The following CFAP95 variants were observed in gnomAD, a reference collection of about 807,000 sequenced individuals.
CFAP95 encodes cilia- and flagella-associated protein 95.
chr9:69,861,329 C>A, the CFAP95 span, among the ~76,000 whole-genome samples: 4 of 152,106 alleles, frequency 2.6e-5, no homozygotes, highest in African/African-American at 9.7e-5. Flanking sequence ...TTGGGCTGGT[C>A]ATATTTCCAG....
At chr9:69,891,676 A>G in the CFAP95 span, among the ~76,000 whole-genome samples, 1 of 152,192 alleles carries the variant, frequency 6.6e-6, no homozygotes, top group African/African-American at 2.4e-5. Context: ...AGCTTTTTAA[A>G]AAGAAATATC....
the CFAP95 span, chr9:69,858,034 T>C: frequency 6.5e-7 from 1 of 1,542,420 alleles, no homozygotes; most frequent in Non-Finnish European, 9.0e-7. Flanking sequence ...TCAGAAGGTT[T>C]GTTTGCAGGG....
At chr9:69,828,806 C>CT in the CFAP95 span, among the ~76,000 whole-genome samples, 1 of 152,122 alleles carries the variant, frequency 6.6e-6, no homozygotes, top group African/African-American at 2.4e-5. Context: ...GATTATTTGT[C>CT]TTTTTCTTTT....
At chr9:69,848,451 A>G in the CFAP95 span, among the ~76,000 whole-genome samples, 1,242 of 152,316 alleles carry the variant, frequency 8.2e-3, 14 homozygotes, top group African/African-American at 0.028. Flanking sequence ...ATGCCATTCA[A>G]TGTTCCCAGA....
chr9:69,888,109 T>C, the CFAP95 span, among the ~76,000 whole-genome samples: 1 of 152,190 alleles, frequency 6.6e-6, no homozygotes, highest in African/African-American at 2.4e-5. Flanking sequence ...AAACCAAATT[T>C]ATAAGTTTAA....
At chr9:69,862,215 G>C in the CFAP95 span, among the ~76,000 whole-genome samples, 1 of 152,242 alleles carries the variant, frequency 6.6e-6, no homozygotes. Flanking sequence ...TATCTTATTT[G>C]ATTTAGGGGT....
At chr9:69,846,230 G>A in the CFAP95 span, among the ~76,000 whole-genome samples, 1 of 152,096 alleles carries the variant, frequency 6.6e-6, no homozygotes, top group African/African-American at 2.4e-5. Context: ...TATCGTGGGG[G>A]AAGTGAGATG....
the CFAP95 span, among the ~76,000 whole-genome samples, chr9:69,888,071 T>C: frequency 6.6e-5 from 10 of 152,314 alleles, no homozygotes; most frequent in African/African-American, 2.4e-4. Context: ...GCTACCATTT[T>C]AGGGAACTGG....
the CFAP95 span, among the ~76,000 whole-genome samples, chr9:69,830,220 C>G: frequency 1.3e-5 from 2 of 152,146 alleles, no homozygotes; most frequent in Non-Finnish European, 2.9e-5. Flanking sequence ...AGTTCTGGCT[C>G]AACAAATTCC....
chr9:69,888,514 TACTA>T, the CFAP95 span, among the ~76,000 whole-genome samples: 1 of 152,110 alleles, frequency 6.6e-6, no homozygotes. Context: ...CATTTACAAA[TACTA>T]AACAATATGA....
chr9:69,878,939 G>A, the CFAP95 span, among the ~76,000 whole-genome samples: 1 of 152,112 alleles, frequency 6.6e-6, no homozygotes, highest in African/African-American at 2.4e-5. Context: ...GCAGAAGCAG[G>A]AGCAAGAAAG....
chr9:69,865,462 CT>C, the CFAP95 span, among the ~76,000 whole-genome samples: 2 of 152,118 alleles, frequency 1.3e-5, no homozygotes, highest in African/African-American at 4.8e-5. Flanking sequence ...GTCTGGCCAG[CT>C]TTCTTCTTTT....
chr9:69,875,229 G>C, the CFAP95 span, among the ~76,000 whole-genome samples: 1 of 151,900 alleles, frequency 6.6e-6, no homozygotes, highest in African/African-American at 2.4e-5. Flanking sequence ...TTTTAAGGGG[G>C]TGAGGGAAGG....
chr9:69,846,679 G>T, the CFAP95 span, among the ~76,000 whole-genome samples: 1 of 152,142 alleles, frequency 6.6e-6, no homozygotes, highest in Non-Finnish European at 1.5e-5. Context: ...GGATACTGGC[G>T]CCAAGCCCCC....
chr9:69,866,417 A>C, the CFAP95 span, among the ~76,000 whole-genome samples: 10 of 152,192 alleles, frequency 6.6e-5, no homozygotes, highest in Non-Finnish European at 1.3e-4. Flanking sequence ...AAAGCCTGAG[A>C]ACTAGTGGGC....
At chr9:69,906,173 A>G in the CFAP95 span, 1 of 1,485,146 alleles carries the variant, frequency 6.7e-7, no homozygotes. Flanking sequence ...GACTAATGAA[A>G]AATGGATGTA....
the CFAP95 span, among the ~76,000 whole-genome samples, chr9:69,859,167 G>T: frequency 1.3e-5 from 2 of 152,094 alleles, no homozygotes; most frequent in African/African-American, 4.8e-5. Context: ...TGTTTTCTCT[G>T]TTTTCTCTTT....
the CFAP95 span, among the ~76,000 whole-genome samples, chr9:69,883,182 G>T: frequency 6.6e-6 from 1 of 152,194 alleles, no homozygotes; most frequent in Non-Finnish European, 1.5e-5. Flanking sequence ...AACAGTCAAA[G>T]ACAGGTTTAT....
chr9:69,881,695 A>G, the CFAP95 span, among the ~76,000 whole-genome samples: 1 of 152,086 alleles, frequency 6.6e-6, no homozygotes, highest in African/African-American at 2.4e-5. Context: ...TTCTATTTCC[A>G]TAAAAGATGT....
Sources: gnomAD v4.1 joint callset for allele counts (sites outside exome capture counted in the v4.1 genomes callset) on GRCh38, gnomAD v4.1.1 for gene constraint, MANE v1.5 for transcripts, NCBI Gene and HGNC (gene_info 2026-07-23, HGNC 2026-07-21) for gene names.